The following TMEM178B variants were observed in gnomAD, a reference collection of about 807,000 sequenced individuals.
TMEM178B encodes the protein transmembrane protein 178B.
A neutral mutation model predicts 31.0 loss-of-function variants in TMEM178B; 5 were observed. That is an observed-to-expected ratio of 0.16 (90% CI 0.08 to 0.34). The LOEUF (loss-of-function observed/expected upper bound fraction) is 0.34, where lower values mean the gene tolerates loss of function less well. Ranked by LOEUF, TMEM178B falls within the 10% of genes least tolerant of loss-of-function variation. TMEM178B has a pLI of 1.00. For synonymous variants in TMEM178B, 164 were observed against 164.0 expected (o/e 1.00, Z 0.00); for missense variants, 275 against 400.3 (o/e 0.69, Z 2.67).
At chr7:141,123,816 G>C (rs1325349393) in intron 1 of TMEM178B, among the ~76,000 whole-genome samples, 1 of 152,084 alleles carries the variant, frequency 6.6e-6, no homozygotes, top group African/African-American at 2.4e-5. Flanking sequence ...GCAGTTGCAT[G>C]ATCTAGGCTC....
chr7:141,389,972 C>T (rs1344925546), intron 2 of TMEM178B, among the ~76,000 whole-genome samples: 2 of 152,134 alleles, frequency 1.3e-5, no homozygotes, highest in African/African-American at 4.8e-5. Context: ...CAGAAGGCAG[C>T]CTTCAGGGAC....
At chr7:141,370,992 C>T (rs550441421) in intron 2 of TMEM178B, among the ~76,000 whole-genome samples, 4 of 152,288 alleles carry the variant, frequency 2.6e-5, no homozygotes, top group South Asian at 2.1e-4. Context: ...ACTGTGTACT[C>T]GCACTGACAG....
chr7:141,313,241 A>G (rs759145640), intron 2 of TMEM178B, among the ~76,000 whole-genome samples: 18 of 152,182 alleles, frequency 1.2e-4, no homozygotes, highest in Non-Finnish European at 2.5e-4. Context: ...TAAGGGGTAT[A>G]ATAGAAGATT....
At chr7:141,406,364 C>T (rs2116627268) in intron 2 of TMEM178B, among the ~76,000 whole-genome samples, 1 of 152,262 alleles carries the variant, frequency 6.6e-6, no homozygotes, top group South Asian at 2.1e-4. Flanking sequence ...CATCTTGACC[C>T]TGTACTTAAC....
intron 2 of TMEM178B, among the ~76,000 whole-genome samples, chr7:141,256,454 T>C (rs1056354871): frequency 8.5e-5 from 13 of 152,066 alleles, no homozygotes; most frequent in African/African-American, 3.1e-4. Context: ...ACTTGGAATG[T>C]ATAGTAACTC....
chr7:141,468,186 A>G (rs1417200870), intron 3 of TMEM178B, among the ~76,000 whole-genome samples: 1 of 152,190 alleles, frequency 6.6e-6, no homozygotes, highest in Non-Finnish European at 1.5e-5. Context: ...CAAATCCTAT[A>G]GCTCCAAAGT....
At chr7:141,321,907 A>T (rs942791469) in intron 2 of TMEM178B, among the ~76,000 whole-genome samples, 1 of 152,014 alleles carries the variant, frequency 6.6e-6, no homozygotes, top group African/African-American at 2.4e-5. Context: ...CTTGTATTCA[A>T]ACAGATATAG....
At chr7:141,165,497 A>G (rs888135764) in intron 1 of TMEM178B, among the ~76,000 whole-genome samples, 2 of 152,140 alleles carry the variant, frequency 1.3e-5, no homozygotes, top group Non-Finnish European at 2.9e-5. Context: ...GGTAACCTTG[A>G]CCACTTGGTT....
At chr7:141,347,306 A>C (rs571430441) in intron 2 of TMEM178B, among the ~76,000 whole-genome samples, 1 of 152,232 alleles carries the variant, frequency 6.6e-6, no homozygotes, top group African/African-American at 2.4e-5. Flanking sequence ...CTTCAAATTT[A>C]AATGTAGTGT....
intron 2 of TMEM178B, among the ~76,000 whole-genome samples, chr7:141,294,877 G>T (rs570737904): frequency 9.5e-4 from 145 of 152,174 alleles, no homozygotes; most frequent in Non-Finnish European, 1.6e-3. Context: ...CATCCTGGTG[G>T]AATGCACCCT....
chr7:141,432,434 C>T (rs929460646), intron 2 of TMEM178B, among the ~76,000 whole-genome samples: 8 of 152,188 alleles, frequency 5.3e-5, no homozygotes, highest in African/African-American at 7.2e-5. Context: ...GGATTACAGG[C>T]GTGAGCCACC....
intron 2 of TMEM178B, among the ~76,000 whole-genome samples, chr7:141,350,809 C>G (rs1799707491): frequency 6.6e-6 from 1 of 151,860 alleles, no homozygotes; most frequent in African/African-American, 2.4e-5. Flanking sequence ...AAAAGACTTC[C>G]CTGAAGGTTT....
intron 2 of TMEM178B, among the ~76,000 whole-genome samples, chr7:141,262,551 G>A (rs1798031269): frequency 6.9e-6 from 1 of 145,270 alleles, no homozygotes; most frequent in Non-Finnish European, 1.5e-5. Flanking sequence ...CAATGGCAAA[G>A]CAAAAATGGA....
intron 1 of TMEM178B, among the ~76,000 whole-genome samples, chr7:141,105,462 G>A (rs183912520): frequency 2.0e-5 from 3 of 152,170 alleles, no homozygotes; most frequent in East Asian, 1.9e-4. Flanking sequence ...AGCTGAGATC[G>A]TGCCACTGTA....
At chr7:141,467,776 T>A (rs1300938420) in intron 3 of TMEM178B, among the ~76,000 whole-genome samples, 1 of 152,152 alleles carries the variant, frequency 6.6e-6, no homozygotes, top group African/African-American at 2.4e-5. Context: ...CATCTTCATA[T>A]CTAAATCTTA....
At chr7:141,510,876 G>C in the TMEM178B span, among the ~76,000 whole-genome samples, 2 of 152,046 alleles carry the variant, frequency 1.3e-5, no homozygotes, top group East Asian at 3.9e-4. Flanking sequence ...AGCCCAAAGA[G>C]CCACAAAGAA....
rs138152115 is a variant in TMEM178B at position 141,370,008 on chromosome 7, A to G, written c.497-67600A>G. Among the ~76,000 whole-genome samples the G allele has an allele frequency of 2.2e-3, 329 of 152,278 alleles. 1 individual carries two copies. Among genetic ancestry groups the G allele is most frequent in the African/African-American group, 7.7e-3 (318 of 41,566 alleles). ...GGCCAACCTAGTCCTTAGTCCTCCCAAATAACAATGGGTTCCATGTAGGTT... is the reference window on the plus strand; with the variant it reads ...GGCCAACCTAGTCCTTAGTCCTCCCGAATAACAATGGGTTCCATGTAGGTT... On this transcript the variant is annotated intron_variant, in intron 2 of 3. Coordinates refer to ENST00000565468, the MANE Select transcript of TMEM178B (RefSeq NM_001195278.2).
intron 3 of TMEM178B, among the ~76,000 whole-genome samples, chr7:141,439,426 C>G: frequency 6.6e-6 from 1 of 152,098 alleles, no homozygotes; most frequent in South Asian, 2.1e-4. Flanking sequence ...GAGACAGAGG[C>G]TGACAAAACC....
chr7:141,083,109 C>G (rs1794713468), intron 1 of TMEM178B, among the ~76,000 whole-genome samples: 1 of 152,086 alleles, frequency 6.6e-6, no homozygotes, highest in South Asian at 2.1e-4. Context: ...CACACCTCCC[C>G]CCACACACAT....
Sources: gnomAD v4.1 joint callset for allele counts (sites outside exome capture counted in the v4.1 genomes callset) on GRCh38, gnomAD v4.1.1 for gene constraint, MANE v1.5 for transcripts, NCBI Gene and HGNC (gene_info 2026-07-23, HGNC 2026-07-21) for gene names.